The following SCN1A variants were observed in gnomAD, a reference collection of about 807,000 sequenced individuals.
SCN1A encodes sodium voltage-gated channel alpha subunit 1, also known as sodium channel protein type 1 subunit alpha.
In SCN1A, 13 loss-of-function variants were observed where a neutral mutation model predicts 193.7. The ratio of observed to expected loss-of-function variants is 0.07; its 90% CI spans 0.04 to 0.11. SCN1A has a LOEUF of 0.11. Ranked by LOEUF, SCN1A falls within the 10% of genes least tolerant of loss-of-function variation. SCN1A has a pLI of 1.00. For synonymous variants in SCN1A, 781 were observed against 843.6 expected (o/e 0.93, Z 1.29); for missense variants, 1,432 against 2,451.1 (o/e 0.58, Z 8.78).
intron 19 of SCN1A, among the ~76,000 whole-genome samples, chr2:166,024,380 A>G (rs945057977): frequency 6.6e-6 from 1 of 152,246 alleles, no homozygotes; most frequent in African/African-American, 2.4e-5. Flanking sequence ...TATATGAAAT[A>G]TTCAATTACT....
At chr2:166,033,463 GCACTTT>G (rs1249805723) in intron 19 of SCN1A, among the ~76,000 whole-genome samples, 9 of 66,898 alleles carry the variant, frequency 1.3e-4, no homozygotes, top group African/African-American at 2.3e-4. Flanking sequence ...TGTAATCCCA[GCACTTT>G]GGGAGGCTGA....
At chr2:166,029,671 C>T (rs564422548) in intron 19 of SCN1A, among the ~76,000 whole-genome samples, 54 of 152,140 alleles carry the variant, frequency 3.5e-4, no homozygotes, top group Non-Finnish European at 5.4e-4. Context: ...CTGCCCATCA[C>T]CTATTTATTC....
intron 1 of SCN1A, among the ~76,000 whole-genome samples, chr2:166,136,436 G>T (rs1691861642): frequency 7.7e-6 from 1 of 130,068 alleles, no homozygotes; most frequent in African/African-American, 3.1e-5. Flanking sequence ...ATATATATAT[G>T]TTATGTTATG....
chr2:166,061,135 G>A (rs1233170103), intron 4 of SCN1A, among the ~76,000 whole-genome samples: 1 of 152,126 alleles, frequency 6.6e-6, no homozygotes, highest in Non-Finnish European at 1.5e-5. Context: ...CTCATCCTAA[G>A]GAGACAGGAC....
chr2:166,148,172 T>C (rs1464866729), intron 1 of SCN1A, among the ~76,000 whole-genome samples: 1 of 152,234 alleles, frequency 6.6e-6, no homozygotes, highest in Admixed American at 6.5e-5. Flanking sequence ...TTCAACTTTT[T>C]AAATATCCAT....
chr2:166,044,993 C>T (rs1396802562), intron 13 of SCN1A, 50 bp downstream of exon 13: 1 of 1,590,954 alleles, frequency 6.3e-7, no homozygotes, highest in Admixed American at 1.7e-5. Context: ...CCCCCTCTCT[C>T]CCATGTTTTA....
At chr2:166,032,680 A>T (rs1304419467) in intron 19 of SCN1A, among the ~76,000 whole-genome samples, 1 of 152,150 alleles carries the variant, frequency 6.6e-6, no homozygotes, top group Admixed American at 6.6e-5. Context: ...ATTGAAATGT[A>T]TCATTAGGGG....
intron 1 of SCN1A, among the ~76,000 whole-genome samples, chr2:166,143,747 T>C (rs1315500417): frequency 6.6e-6 from 1 of 152,216 alleles, no homozygotes; most frequent in Admixed American, 6.5e-5. Flanking sequence ...GAATTTACCT[T>C]ACTTTGGTAA....
intron 9 of SCN1A, among the ~76,000 whole-genome samples, chr2:166,050,596 C>A (rs1003432436): frequency 1.2e-5 from 1 of 84,784 alleles, no homozygotes; most frequent in Non-Finnish European, 2.7e-5. Context: ...GCCACCACAC[C>A]CAACTCATTA....
intron 26 of SCN1A, among the ~76,000 whole-genome samples, chr2:165,997,666 A>G (rs1460400937): frequency 6.6e-6 from 1 of 151,416 alleles, no homozygotes; most frequent in Non-Finnish European, 1.5e-5. Context: ...TTAGTTGGAA[A>G]ATATATTTTC....
At position 166,053,176 on chromosome 2, in the gene SCN1A, A is replaced by G. The variant is rs1007904680; in HGVS notation, c.603-233T>C. 7.3e-6 allele frequency: 6 copies of G among 823,132 alleles called. No homozygotes were observed. The Admixed American group carries it at 8.0e-5, about 11-fold the overall frequency. The allele number at this position is 823,132 out of a possible 1,614,324, so 51.0% of individuals were successfully genotyped here. ...TATTCAAGATTTTAGCAGGATTTAT[A>G]TTACTTGCATGGGTCTTTTATAAAG... is the stretch of plus-strand genomic sequence containing the variant. On this transcript the variant is annotated intron_variant, in intron 7 of 28. Coordinates refer to ENST00000674923, the MANE Select transcript of SCN1A (RefSeq NM_001165963.4).
intron 2 of SCN1A, among the ~76,000 whole-genome samples, chr2:166,093,377 C>T (rs1315608270): frequency 3.3e-5 from 5 of 151,458 alleles, no homozygotes; most frequent in African/African-American, 9.7e-5. Context: ...CTCACTCTGT[C>T]GCCCAGGCTG....
chr2:166,101,276 G>A (rs1274363558), intron 2 of SCN1A, among the ~76,000 whole-genome samples: 11 of 148,014 alleles, frequency 7.4e-5, no homozygotes, highest in Admixed American at 6.2e-4. Context: ...ACCAAACACC[G>A]CATATTCTCA....
In SCN1A at chr2:165,998,228, A is replaced by G. The variant is rs1690358648; in HGVS notation, c.4339-53T>C. The G allele has an allele frequency of 8.2e-6, 12 of 1,461,692 alleles. No individual in the cohort carries two copies. The South Asian group carries it at 1.3e-4, about 16-fold the overall frequency. The allele number at this position is 1,461,692 out of a possible 1,614,324, so 90.5% of individuals were successfully genotyped here. On this transcript the variant is annotated intron_variant, in intron 25 of 28. Transcript: ENST00000674923. ...ATTACCATACATTTTAGTGCTGGAA[A>G]TGTCACTGGTGCTTTTTCATAACAA...
intron 5 of SCN1A, among the ~76,000 whole-genome samples, chr2:166,057,952 T>A (rs144676846): frequency 2.7e-4 from 41 of 152,174 alleles, no homozygotes; most frequent in Non-Finnish European, 5.2e-4. Context: ...TCTCATTAAC[T>A]TCCGGAGTCT....
intron 19 of SCN1A, among the ~76,000 whole-genome samples, chr2:166,032,953 TG>T (rs1466638165): frequency 7.9e-5 from 12 of 152,298 alleles, no homozygotes; most frequent in African/African-American, 2.9e-4. Flanking sequence ...AAAGTATTTA[TG>T]AGAGCCCTTC....
intron 19 of SCN1A, among the ~76,000 whole-genome samples, chr2:166,022,383 C>T (rs1406299417): frequency 6.7e-6 from 1 of 149,276 alleles, no homozygotes; most frequent in Non-Finnish European, 1.5e-5. Context: ...CCACTAGTAA[C>T]TAGGTGGGGG....
chr2:166,071,035 A>C (rs1181369589), intron 4 of SCN1A, among the ~76,000 whole-genome samples: 1 of 152,206 alleles, frequency 6.6e-6, no homozygotes, highest in Admixed American at 6.5e-5. Flanking sequence ...GATGGAGCCC[A>C]CTAACATATC....
chr2:166,035,393 A>G (rs1285773817), intron 19 of SCN1A, among the ~76,000 whole-genome samples: 1 of 152,188 alleles, frequency 6.6e-6, no homozygotes, highest in African/African-American at 2.4e-5. Context: ...CCTTTAATTT[A>G]TCAGTCATTT....
Sources: gnomAD v4.1 joint callset for allele counts (sites outside exome capture counted in the v4.1 genomes callset) on GRCh38, gnomAD v4.1.1 for gene constraint, MANE v1.5 for transcripts, NCBI Gene and HGNC (gene_info 2026-07-23, HGNC 2026-07-21) for gene names.